SCML2: variants seen among roughly 807,000 people sequenced by gnomAD.
SCML2 encodes the protein sex comb on midleg-like protein 2.
SCML2 carries 6 observed loss-of-function variants against 48.4 expected under a neutral mutation model. That is an observed-to-expected ratio of 0.12 (90% CI 0.07 to 0.24). The LOEUF (loss-of-function observed/expected upper bound fraction) is 0.24. SCML2 is among the 10% of genes least tolerant of loss of function. The probability of loss-of-function intolerance (pLI) is 1.00; values close to 1 mark genes in which losing one functional copy is unlikely to be tolerated. For missense variants in SCML2, 377 were observed against 528.2 expected (o/e 0.71, Z 2.81); for synonymous variants, 181 against 189.5 (o/e 0.95, Z 0.37).
intron 1 of SCML2, among the ~76,000 whole-genome samples, chrX:18,351,501 T>G (rs1361920230): frequency 1.8e-5 from 2 of 110,117 alleles, no homozygotes; most frequent in Non-Finnish European, 3.8e-5. Flanking sequence ...GGCTGATAGC[T>G]GGCAGAGCCC....
At chrX:18,267,991 C>G (rs1318630997) in intron 7 of SCML2, among the ~76,000 whole-genome samples, 4 of 112,338 alleles carry the variant, frequency 3.6e-5, no homozygotes, top group Non-Finnish European at 7.5e-5. Context: ...ATGTGGCCCT[C>G]AGGCTATTGT....
At chrX:18,276,271 G>C (rs1244902818) in intron 7 of SCML2, among the ~76,000 whole-genome samples, 1 of 106,179 alleles carries the variant, frequency 9.4e-6, no homozygotes, top group South Asian at 4.4e-4. Context: ...TCCAGCCTGG[G>C]TGACAGAGCA....
intron 1 of SCML2, among the ~76,000 whole-genome samples, chrX:18,354,111 C>A (rs2147580592): frequency 8.9e-6 from 1 of 112,560 alleles, no homozygotes; most frequent in South Asian, 3.6e-4. Context: ...GCCCGCACGC[C>A]GCCACAGGCG....
chrX:18,290,764 C>CA, intron 7 of SCML2, among the ~76,000 whole-genome samples: 1 of 110,474 alleles, frequency 9.1e-6, no homozygotes, highest in Admixed American at 9.7e-5. Context: ...AAACTTTCCC[C>CA]AAAAAAGACA....
chrX:18,249,041 C>T (rs1046835993), intron 11 of SCML2, among the ~76,000 whole-genome samples: 18 of 111,523 alleles, frequency 1.6e-4, no homozygotes, highest in African/African-American at 5.9e-4. Flanking sequence ...TAGGAAAAGC[C>T]AGGTAATTTA....
rs995065888 is a variant in SCML2, at chrX:18,320,393, G to A, written c.425C>T (p.Pro142Leu). 3 of 1,148,861 alleles carry A rather than the reference G, an allele frequency of 2.6e-6. No homozygotes were observed. The highest frequency in any genetic ancestry group is 3.5e-6 in the Non-Finnish European group (3 of 853,030). 94.7% of individuals were successfully genotyped at this position (1,148,861 alleles called of 1,213,427 possible). ...LGYQMNTSSW[P>L]MFLLKTLNGS... ...ATTTAGTGTCTTTAAGAGGAACATC[G>A]GCCAGGAGGATGTATTCATCTGGTA... The change falls in exon 6 of 15, where the codon CCG (proline) becomes CTG (leucine). Residue 142 changes from proline (P) to leucine (L), a missense_variant. Around this residue, in one of 3 missense-constraint regions of SCML2, gnomAD observed 299 missense variants for 425.5 expected, o/e 0.70. Coordinates refer to ENST00000251900, the MANE Select transcript of SCML2 (RefSeq NM_006089.3).
chrX:18,262,043 AT>A (rs1022825104), intron 8 of SCML2, among the ~76,000 whole-genome samples: 1 of 108,462 alleles, frequency 9.2e-6, no homozygotes, highest in East Asian at 2.8e-4. Context: ...TCACAATGTT[AT>A]TTTTTTTCCA....
chrX:18,257,926 G>A, intron 10 of SCML2, 118 bp downstream of exon 10: 2 of 444,589 alleles, frequency 4.5e-6, no homozygotes, highest in African/African-American at 2.9e-5. Flanking sequence ...GCGGGGGAGG[G>A]GGAAGGGGAG....
intron 3 of SCML2, among the ~76,000 whole-genome samples, chrX:18,325,544 A>G (rs760212405): frequency 3.6e-5 from 4 of 111,828 alleles, no homozygotes; most frequent in Non-Finnish European, 7.5e-5. Flanking sequence ...AGAACAAAGC[A>G]ATAAACCAGT....
At chrX:18,282,364 G>A (rs749433541) in intron 7 of SCML2, among the ~76,000 whole-genome samples, 5 of 111,123 alleles carry the variant, frequency 4.5e-5, no homozygotes, top group South Asian at 3.8e-4. Context: ...AAGGCCGGGC[G>A]CGGTGGCTCA....
intron 13 of SCML2, among the ~76,000 whole-genome samples, chrX:18,244,158 T>C (rs1926361808): frequency 8.9e-6 from 1 of 111,863 alleles, no homozygotes; most frequent in Non-Finnish European, 1.9e-5. Flanking sequence ...AAAATGTTGG[T>C]CATATCTACA....
chrX:18,254,378 T>C (rs896742781), intron 11 of SCML2, among the ~76,000 whole-genome samples: 1 of 111,375 alleles, frequency 9.0e-6, no homozygotes, highest in African/African-American at 3.3e-5. Context: ...AACATAAGAG[T>C]TCCAACTCAA....
chrX:18,243,073 T>C (rs749356031), intron 13 of SCML2, among the ~76,000 whole-genome samples: 2 of 111,744 alleles, frequency 1.8e-5, no homozygotes, highest in Non-Finnish European at 3.8e-5. Flanking sequence ...GTTGTTGTTG[T>C]TGTTGTTTTG....
intron 1 of SCML2, among the ~76,000 whole-genome samples, chrX:18,351,804 AG>A (rs1225923244): frequency 8.9e-6 from 1 of 111,857 alleles, no homozygotes; most frequent in Non-Finnish European, 1.9e-5. Flanking sequence ...GCAGTAAAAT[AG>A]TCAAGTGAAA....
intron 1 of SCML2, among the ~76,000 whole-genome samples, chrX:18,339,908 A>T (rs1488669639): frequency 9.0e-6 from 1 of 111,576 alleles, no homozygotes; most frequent in African/African-American, 3.3e-5. Context: ...ACCACCAAAC[A>T]ATACCTGTTG....
At chrX:18,336,759 A>G (rs768536094) in intron 1 of SCML2, among the ~76,000 whole-genome samples, 15 of 90,083 alleles carry the variant, frequency 1.7e-4, no homozygotes, top group Non-Finnish European at 3.4e-4. Context: ...TAAATAAAAT[A>G]AAATAAGAAA....
chrX:18,286,786 CTCCCT>C (rs1928067520), intron 7 of SCML2, among the ~76,000 whole-genome samples: 2 of 111,244 alleles, frequency 1.8e-5, no homozygotes, highest in Non-Finnish European at 3.8e-5. Context: ...TTTTGTTCCC[CTCCCT>C]TCATTTTCAA....
At chrX:18,317,607 C>T (rs1480365804) in intron 6 of SCML2, among the ~76,000 whole-genome samples, 2 of 110,707 alleles carry the variant, frequency 1.8e-5, no homozygotes, top group Non-Finnish European at 3.8e-5. Flanking sequence ...CCGAGGCGGG[C>T]GGATCACGAG....
At chrX:18,332,895 C>T (rs1323908718) in intron 2 of SCML2, among the ~76,000 whole-genome samples, 3 of 110,702 alleles carry the variant, frequency 2.7e-5, no homozygotes, top group African/African-American at 6.6e-5. Flanking sequence ...AGGAGGATCA[C>T]TTGAGCCCAG....
Sources: gnomAD v4.1 joint callset for allele counts (sites outside exome capture counted in the v4.1 genomes callset) on GRCh38, gnomAD v4.1.1 for gene constraint, gnomAD v4.1.1 regional missense constraint, MANE v1.5 for transcripts, NCBI Gene and HGNC (gene_info 2026-07-23, HGNC 2026-07-21) for gene names.